Variants in PDZRN4 observed in about 807,000 individuals in gnomAD.
The protein encoded by PDZRN4 is PDZ domain containing ring finger 4, also known as PDZ domain-containing RING finger protein 4.
A neutral mutation model predicts 99.0 loss-of-function variants in PDZRN4; 70 were observed. That is an observed-to-expected ratio of 0.71 (90% CI 0.58 to 0.86). The LOEUF (loss-of-function observed/expected upper bound fraction) is 0.86, where lower values mean the gene tolerates loss of function less well. Ranked by LOEUF, PDZRN4 falls within the 40% of genes least tolerant of loss-of-function variation. The probability of loss-of-function intolerance (pLI) is 0.00; values close to 1 mark genes in which losing one functional copy is unlikely to be tolerated. For missense variants in PDZRN4, 1,474 were observed against 1,331.2 expected (o/e 1.11, Z -1.67); for synonymous variants, 551 against 501.6 (o/e 1.10, Z -1.32).
intron 3 of PDZRN4, among the ~76,000 whole-genome samples, chr12:41,371,000 T>C (rs961231938): frequency 4.6e-5 from 7 of 151,544 alleles, no homozygotes; most frequent in African/African-American, 1.7e-4. Context: ...TCTGAAATTT[T>C]ATTTTAGATG....
chr12:41,245,525 T>A (rs759197579), intron 3 of PDZRN4, among the ~76,000 whole-genome samples: 15 of 152,172 alleles, frequency 9.9e-5, no homozygotes, highest in Non-Finnish European at 1.6e-4. Context: ...ATATGGATAA[T>A]GTAATAGGAT....
intron 3 of PDZRN4, among the ~76,000 whole-genome samples, chr12:41,238,618 GA>G (rs1409450956): frequency 2.0e-5 from 3 of 151,612 alleles, no homozygotes; most frequent in Non-Finnish European, 4.4e-5. Context: ...AAAAGCACAA[GA>G]AAAAAAGCTC....
At chr12:41,296,671 T>A (rs1233635670) in intron 3 of PDZRN4, among the ~76,000 whole-genome samples, 1 of 152,046 alleles carries the variant, frequency 6.6e-6, no homozygotes, top group Non-Finnish European at 1.5e-5. Context: ...TATTAAAAAA[T>A]CTGTAAGGCT....
At chr12:41,524,665 A>G (rs755051470) in intron 5 of PDZRN4, among the ~76,000 whole-genome samples, 4 of 152,166 alleles carry the variant, frequency 2.6e-5, no homozygotes, top group Non-Finnish European at 5.9e-5. Context: ...AGGCTTATGG[A>G]TTTTATTATA....
chr12:41,471,810 AC>A (rs1239818464), intron 3 of PDZRN4, among the ~76,000 whole-genome samples: 4 of 151,634 alleles, frequency 2.6e-5, no homozygotes, highest in African/African-American at 9.7e-5. Flanking sequence ...AAAATGTGCT[AC>A]TTTTATAAAA....
At chr12:41,196,172 C>T (rs1950771507) in intron 3 of PDZRN4, among the ~76,000 whole-genome samples, 1 of 151,834 alleles carries the variant, frequency 6.6e-6, no homozygotes, top group African/African-American at 2.4e-5. Context: ...CTACATAGTA[C>T]TGTTACTAAT....
chr12:41,419,823 C>T (rs1174325033), intron 3 of PDZRN4, among the ~76,000 whole-genome samples: 3 of 152,118 alleles, frequency 2.0e-5, no homozygotes, highest in African/African-American at 7.2e-5. Flanking sequence ...ATGCAGACGC[C>T]TTATTGGTAA....
chr12:41,416,332 ACTTT>A (rs1952445343), intron 3 of PDZRN4, among the ~76,000 whole-genome samples: 1 of 152,144 alleles, frequency 6.6e-6, no homozygotes, highest in Non-Finnish European at 1.5e-5. Context: ...CGAAAGAAGG[ACTTT>A]CTTTCTGATT....
At chr12:41,553,097 T>C (rs2120801757) in intron 6 of PDZRN4, among the ~76,000 whole-genome samples, 1 of 152,344 alleles carries the variant, frequency 6.6e-6, no homozygotes, top group South Asian at 2.1e-4. Flanking sequence ...CTACTGTGTC[T>C]TTTATGAGTT....
At chr12:41,550,742 G>A (rs898206962) in intron 5 of PDZRN4, among the ~76,000 whole-genome samples, 2 of 152,088 alleles carry the variant, frequency 1.3e-5, no homozygotes, top group African/African-American at 4.8e-5. Flanking sequence ...TCAGAATAGA[G>A]GATTTAAATT....
intron 3 of PDZRN4, among the ~76,000 whole-genome samples, chr12:41,197,992 G>A (rs1950788796): frequency 1.4e-5 from 2 of 147,020 alleles, no homozygotes; most frequent in Admixed American, 1.4e-4. Context: ...ACAGCTCACT[G>A]CAGCCTCTAC....
intron 1 of PDZRN4, among the ~76,000 whole-genome samples, chr12:41,190,806 T>C (rs1566346291): frequency 1.3e-5 from 2 of 152,200 alleles, no homozygotes; most frequent in Non-Finnish European, 1.5e-5. Flanking sequence ...CTAATAAACA[T>C]TGTAGCTATA....
At chr12:41,284,794 T>C (rs1951411764) in intron 3 of PDZRN4, among the ~76,000 whole-genome samples, 1 of 152,130 alleles carries the variant, frequency 6.6e-6, no homozygotes, top group Non-Finnish European at 1.5e-5. Flanking sequence ...TTGGGAAAGC[T>C]GGCTAGCCAT....
rs1950715241 is a variant in PDZRN4, at chr12:41,188,937, G to A, written c.482G>A (p.Gly161Glu). 2.3e-6 allele frequency: 3 copies of A among 1,328,608 alleles called. No homozygotes were observed. Among genetic ancestry groups the A allele is most frequent in the Non-Finnish European group, 2.9e-6 (3 of 1,038,786 alleles). 82.3% of individuals were successfully genotyped at this position (1,328,608 alleles called of 1,614,324 possible). A position where few individuals can be genotyped will look rare whatever the true frequency, so the allele number is the denominator to read the frequency against. Residue 161 changes from glycine to glutamate, a missense_variant, in exon 1 of 10, where the codon GGG (glycine) becomes GAG (glutamate). By Grantham distance (98) the Gly-to-Glu change is moderately conservative. Coordinates refer to ENST00000402685, the MANE Select transcript of PDZRN4 (RefSeq NM_001164595.2). ...CGCTGGGGCCGCGGGCGGGGACCCG[G>A]GCCTCGGGTCCTCGCCTGGAGGCGG... ...GGRWGRGRGP[G>E]PRVLAWRRRE...
chr12:41,457,016 T>G (rs993215793), intron 3 of PDZRN4, among the ~76,000 whole-genome samples: 17 of 152,204 alleles, frequency 1.1e-4, no homozygotes, highest in African/African-American at 4.1e-4. Flanking sequence ...ATTGTTTCCC[T>G]TAAATACAGA....
intron 3 of PDZRN4, among the ~76,000 whole-genome samples, chr12:41,490,226 T>A (rs1055627807): frequency 1.2e-4 from 19 of 152,194 alleles, no homozygotes; most frequent in African/African-American, 4.3e-4. Flanking sequence ...TGACTTCACA[T>A]GTGTTTGAAA....
intron 3 of PDZRN4, among the ~76,000 whole-genome samples, chr12:41,505,002 G>A (rs1938180226): frequency 6.6e-6 from 1 of 152,026 alleles, no homozygotes; most frequent in Non-Finnish European, 1.5e-5. Flanking sequence ...AGCTCCTCCA[G>A]GTCATTAAGC....
At chr12:41,398,784 A>G (rs868000679) in intron 3 of PDZRN4, among the ~76,000 whole-genome samples, 1 of 152,168 alleles carries the variant, frequency 6.6e-6, no homozygotes, top group Non-Finnish European at 1.5e-5. Flanking sequence ...AAATTATAAT[A>G]CAAGAGTTTT....
At chr12:41,223,265 T>C (rs1307160070) in intron 3 of PDZRN4, among the ~76,000 whole-genome samples, 1 of 152,162 alleles carries the variant, frequency 6.6e-6, no homozygotes, top group Non-Finnish European at 1.5e-5. Flanking sequence ...AATAAATTAC[T>C]TTTATGATGG....
Sources: gnomAD v4.1 joint callset for allele counts (sites outside exome capture counted in the v4.1 genomes callset) on GRCh38, gnomAD v4.1.1 for gene constraint, MANE v1.5 for transcripts, NCBI Gene and HGNC (gene_info 2026-07-23, HGNC 2026-07-21) for gene names.